Variants in UNKL observed in about 807,000 individuals in gnomAD.
UNKL encodes the protein putative E3 ubiquitin-protein ligase UNKL.
Under a neutral mutation model 78.0 loss-of-function variants are expected in UNKL, and 60 were observed. The ratio of observed to expected loss-of-function variants is 0.77; its 90% CI spans 0.63 to 0.95. The LOEUF (loss-of-function observed/expected upper bound fraction) is 0.95, where lower values mean the gene tolerates loss of function less well. UNKL is among the 40% of genes least tolerant of loss of function. UNKL has a pLI of 0.00. For synonymous variants in UNKL, 608 were observed against 474.8 expected (o/e 1.28, Z -3.65); for missense variants, 1,159 against 1,045.7 (o/e 1.11, Z -1.49).
intron 14 of UNKL, 65 bp from the exon 15 acceptor site, chr16:1,366,460 G>A (rs891205814): frequency 1.5e-5 from 22 of 1,481,708 alleles, no homozygotes; most frequent in Admixed American, 1.1e-4. Context: ...CTGGGGAGCC[G>A]GAGGGCCTTC....
At chr16:1,378,940 T>C (rs1201323407) in intron 10 of UNKL, 1 of 152,336 alleles carries the variant, frequency 6.6e-6, no homozygotes, top group African/African-American at 2.4e-5. Context: ...TAGACCCAGA[T>C]CTTCTGAAAC....
Position 1,366,301 on chromosome 16 carries a change from T to C in UNKL, c.2141A>G (p.Glu714Gly), listed in dbSNP as rs768895654. 1.1e-5 allele frequency: 18 copies of C among 1,600,574 alleles called. No individual in the cohort carries two copies. The highest frequency in any genetic ancestry group is 1.4e-5 in the Non-Finnish European group (16 of 1,175,036). ...CTCAGGTGCGGTGGCCGCACACGGC[T>C]CACAGAGGATGTGGTGCTGACAGGG... is the stretch of plus-strand genomic sequence containing the variant. ...LRPCQHHILCEPCAATAPECP... is the reference protein window; with the variant it reads ...LRPCQHHILCGPCAATAPECP... Residue 714 changes from glutamate (E) to glycine (G), a missense_variant, in exon 15 of 15, where the codon GAG becomes GGG. By Grantham distance (98) the Glu-to-Gly change is moderately conservative. Coordinates refer to ENST00000389221, the MANE Select transcript of UNKL (RefSeq NM_001372107.1).
chr16:1,384,949 T>G (rs1247104495), intron 10 of UNKL, among the ~76,000 whole-genome samples: 1 of 152,082 alleles, frequency 6.6e-6, no homozygotes, highest in Non-Finnish European at 1.5e-5. Context: ...GGACGGCGCC[T>G]GCTCTGCCTG....
rs764612724 is a variant in UNKL at position 1,367,168 on chromosome 16, T to TCCCCACAG, written c.1962_1969dup (p.Asp657AlafsTer30). 20 of 1,605,582 alleles carry TCCCCACAG rather than the reference T, an allele frequency of 1.2e-5. No individual in the cohort carries two copies. Among genetic ancestry groups the TCCCCACAG allele is most frequent in the Admixed American group, 6.7e-5 (4 of 59,500 alleles). On this transcript the variant is annotated frameshift_variant, in exon 14 of 15. Coordinates refer to ENST00000389221, the MANE Select transcript of UNKL (RefSeq NM_001372107.1). LOFTEE classifies it high-confidence loss of function. Reference sequence around the variant, plus strand: ...CTTCGGCAGGGGAATGGTGCCGATGTCCCCACAGCCCCGCAGCCCCGGCAG... The same window carrying TCCCCACAG: ...CTTCGGCAGGGGAATGGTGCCGATGTCCCCACAGCCCCACAGCCCCGCAGCCCCGGCAG...
intron 5 of UNKL, among the ~76,000 whole-genome samples, chr16:1,397,522 G>C (rs12921330): frequency 4.4e-5 from 2 of 45,414 alleles, no homozygotes; most frequent in Non-Finnish European, 4.2e-5. Context: ...CCCCCACCCC[G>C]ACCCCCGTGC....
rs142279696 is a variant in UNKL at position 1,385,545 on chromosome 16, C to T, written c.1087-160G>A. On this transcript the variant is annotated intron_variant, in intron 9 of 14. Transcript: ENST00000389221. ...AGACCCGGAGGGACTCTGACCGCAC[C>T]GAGGAGAAACACCAGGACGGCAGGG... is the stretch of plus-strand genomic sequence containing the variant. The T allele has an allele frequency of 7.9e-3, 5,000 of 631,074 alleles. 21 individuals carry two copies. The highest frequency in any genetic ancestry group is 9.3e-3 in the Non-Finnish European group (4,056 of 435,414). 39.1% of individuals were successfully genotyped at this position (631,074 alleles called of 1,614,324 possible). A position where few individuals can be genotyped will look rare whatever the true frequency, so the allele number is the denominator to read the frequency against.
In UNKL at chr16:1,403,806, G is replaced by C. The variant is rs2037634450; in HGVS notation, c.288-462C>G. ...CCTGCTGCTTTCAGGGACCCCAGGA[G>C]GGAGGTAGGGGAGGGAACAAGCACA... is the stretch of plus-strand genomic sequence containing the variant. On this transcript the variant is annotated intron_variant, in intron 2 of 14. Transcript: ENST00000389221. The surrounding 1 kb of genome is among the most constrained non-coding windows in gnomAD (Gnocchi z 4.8). 6.6e-6 allele frequency among the ~76,000 whole-genome samples: 1 copy of C among 152,210 alleles called. No individual in the cohort carries two copies. The highest frequency in any genetic ancestry group is 2.4e-5 in the African/African-American group (1 of 41,454).
At chr16:1,402,168 TCAACCC>T (rs2037554721) in intron 3 of UNKL, among the ~76,000 whole-genome samples, 1 of 149,754 alleles carries the variant, frequency 6.7e-6, no homozygotes, top group Non-Finnish European at 1.5e-5. Flanking sequence ...CCTCACGGCC[TCAACCC>T]CAGTGAGCTG....
intron 2 of UNKL, among the ~76,000 whole-genome samples, chr16:1,411,201 AC>A (rs2038023954): frequency 6.6e-6 from 1 of 152,108 alleles, no homozygotes; most frequent in African/African-American, 2.4e-5. Flanking sequence ...TACTAAAAAT[AC>A]AAAAACAATT....
intron 9 of UNKL, among the ~76,000 whole-genome samples, chr16:1,390,122 G>A (rs1165166413): frequency 2.0e-5 from 3 of 152,162 alleles, no homozygotes; most frequent in Non-Finnish European, 2.9e-5. Context: ...GAGTAGCTGG[G>A]ACTACAGGCA....
rs931424954 is a variant in UNKL at position 1,387,288 on chromosome 16, G to A, written c.1087-1903C>T. On this transcript the variant is annotated intron_variant, in intron 9 of 14. Transcript: ENST00000389221. This position sits in a 1 kb window ranked among gnomAD's most constrained non-coding sequence, Gnocchi z 4.1. ...CTATCAATCCCCCATGGTGAGCCTG[G>A]TGACAGGGTTGCTGGAAGCCTCATG... Among the ~76,000 whole-genome samples, 7 of 152,188 alleles carry A rather than the reference G, an allele frequency of 4.6e-5. No homozygotes were observed. The highest frequency in any genetic ancestry group is 1.5e-5 in the Non-Finnish European group (1 of 68,026).
chr16:1,390,824 G>A, intron 8 of UNKL, 130 bp from the exon 9 acceptor site: 3 of 926,352 alleles, frequency 3.2e-6, no homozygotes, highest in Non-Finnish European at 4.9e-6. Context: ...GAGCTCAGGA[G>A]TTCGAGACCA....
At chr16:1,383,727 G>C (rs1441342121) in intron 10 of UNKL, 1 of 400,728 alleles carries the variant, frequency 2.5e-6, no homozygotes, top group South Asian at 1.7e-5. Context: ...TTGCGGGTCT[G>C]GCCGCCGGGC....
rs2142185913 is a variant in UNKL at position 1,399,183 on chromosome 16, C to A, written c.734+191G>T. Reference sequence around the variant, plus strand: ...CTGAGCGTAGGTGGGGAGGCCCATCCCCAGGACAGACGCGTGGGCCTCCAT... The same window carrying A: ...CTGAGCGTAGGTGGGGAGGCCCATCACCAGGACAGACGCGTGGGCCTCCAT... On this transcript the variant is annotated intron_variant, in intron 5 of 14. Transcript: ENST00000389221. This position sits in a 1 kb window ranked among gnomAD's most constrained non-coding sequence, Gnocchi z 5.8. The A allele has an allele frequency of 1.5e-5, 18 of 1,178,816 alleles. No homozygotes were observed. The South Asian group carries it at 2.9e-4, about 19-fold the overall frequency. 73.0% of individuals were successfully genotyped at this position (1,178,816 alleles called of 1,614,324 possible).
At position 1,367,154 on chromosome 16, in the gene UNKL, G is replaced by T. The variant is rs1179710387; in HGVS notation, c.1984C>A (p.Pro662Thr). The T allele has an allele frequency of 6.9e-6, 11 of 1,602,994 alleles. No individual in the cohort carries two copies. Among genetic ancestry groups the T allele is most frequent in the African/African-American group, 4.0e-5 (3 of 74,720 alleles). Reference sequence around the variant, plus strand: ...TGCAGCGAGTGCAGCTTCGGCAGGGGAATGGTGCCGATGTCCCCACAGCCC... The same window carrying T: ...TGCAGCGAGTGCAGCTTCGGCAGGGTAATGGTGCCGATGTCCCCACAGCCC... ...LRGCGDIGTI[P>T]LPKLHSLQSQ... The change falls in exon 14 of 15, where the codon CCC (proline) becomes ACC (threonine). Residue 662 changes from proline to threonine, a missense_variant. Physicochemically the swap from Pro to Thr is conservative, Grantham distance 38. Transcript: ENST00000389221.
At chr16:1,374,566 C>A (rs2036071632) in intron 10 of UNKL, among the ~76,000 whole-genome samples, 1 of 152,194 alleles carries the variant, frequency 6.6e-6, no homozygotes, top group African/African-American at 2.4e-5. Context: ...CTGCCTGGTG[C>A]TCGGTTCAGA....
At position 1,390,540 on chromosome 16, in the gene UNKL, T is replaced by C. The variant is rs1254833686; in HGVS notation, c.1086+92A>G. ...GACCAAGGATGCATGAGCGCTGCCC[T>C]AACGCGATGCCACGGGTCAGGCACG... On this transcript the variant is annotated intron_variant, in intron 9 of 14. Transcript: ENST00000389221. The C allele has an allele frequency of 3.6e-6, 5 of 1,397,366 alleles. No individual in the cohort carries two copies. The African/African-American group carries it at 5.7e-5, about 16-fold the overall frequency. 86.6% of individuals were successfully genotyped at this position (1,397,366 alleles called of 1,614,324 possible). A position where few individuals can be genotyped will look rare whatever the true frequency, so the allele number is the denominator to read the frequency against.
At chr16:1,390,819 CAGG>C in intron 8 of UNKL, 125 bp from the exon 9 acceptor site, 1 of 1,017,854 alleles carries the variant, frequency 9.8e-7, no homozygotes, top group Non-Finnish European at 1.4e-6. Flanking sequence ...CATCTGAGCT[CAGG>C]AGTTCGAGAC....
At position 1,367,112 on chromosome 16, in the gene UNKL, C is replaced by A; in HGVS notation, c.2026G>T (p.Asp676Tyr). ...CTCACGCCGTCCACCGCCTCCAGGT[C>A]CAGGCGCAGCTGACTCTGCAGCGAG... ...LHSLQSQLRLDLEAVDGVIFQ... is the reference protein window; with the variant it reads ...LHSLQSQLRLYLEAVDGVIFQ... The change falls in exon 14 of 15, where the codon GAC (aspartate) becomes TAC (tyrosine). Residue 676 changes from aspartate (D) to tyrosine (Y), a missense_variant. Transcript: ENST00000389221. 1 of 1,581,196 alleles carries A rather than the reference C, an allele frequency of 6.3e-7. No individual in the cohort carries two copies. Among genetic ancestry groups the A allele is most frequent in the Admixed American group, 1.8e-5 (1 of 56,896 alleles).
Sources: gnomAD v4.1 joint callset for allele counts (sites outside exome capture counted in the v4.1 genomes callset) on GRCh38, gnomAD v4.1.1 for gene constraint, Gnocchi (gnomAD v3.1) non-coding constraint, MANE v1.5 for transcripts, NCBI Gene and HGNC (gene_info 2026-07-23, HGNC 2026-07-21) for gene names.